The following DLG2 variants were observed in gnomAD, a reference collection of about 807,000 sequenced individuals.
DLG2 encodes the protein discs large MAGUK scaffold protein 2.
In DLG2, 45 loss-of-function variants were observed where a neutral mutation model predicts 132.5. The observed-to-expected ratio is 0.34, with a 90% CI of 0.27 to 0.44. The LOEUF (loss-of-function observed/expected upper bound fraction) is 0.44. DLG2 is among the 20% of genes least tolerant of loss of function. The probability of loss-of-function intolerance (pLI) is 1.00; values close to 1 mark genes in which losing one functional copy is unlikely to be tolerated. For synonymous variants in DLG2, 424 were observed against 419.6 expected (o/e 1.01, Z -0.13); for missense variants, 1,045 against 1,196.9 (o/e 0.87, Z 1.87).
At chr11:85,455,112 G>A (rs920103032) in intron 3 of DLG2, among the ~76,000 whole-genome samples, 2 of 152,040 alleles carry the variant, frequency 1.3e-5, no homozygotes, top group Admixed American at 1.3e-4. Context: ...ATTACTTTGG[G>A]CAATATGGTC....
chr11:83,504,586 G>A (rs150037635), intron 21 of DLG2, among the ~76,000 whole-genome samples: 7 of 152,210 alleles, frequency 4.6e-5, no homozygotes, highest in Admixed American at 2.0e-4. Flanking sequence ...TAACAGAATC[G>A]TTGTGTCTCC....
chr11:85,211,101 G>A (rs1053235701), intron 4 of DLG2, among the ~76,000 whole-genome samples: 1 of 151,790 alleles, frequency 6.6e-6, no homozygotes, highest in Non-Finnish European at 1.5e-5. Context: ...GTTGAGACTT[G>A]GTCTGTTTTA....
intron 6 of DLG2, among the ~76,000 whole-genome samples, chr11:84,846,319 C>G (rs978946790): frequency 6.6e-6 from 1 of 152,120 alleles, no homozygotes; most frequent in African/African-American, 2.4e-5. Flanking sequence ...CCTCAAACCT[C>G]TTTTCTACCC....
intron 17 of DLG2, among the ~76,000 whole-genome samples, chr11:83,823,900 G>A (rs1457117228): frequency 6.6e-6 from 1 of 151,986 alleles, no homozygotes; most frequent in African/African-American, 2.4e-5. Context: ...TCATTAACTA[G>A]ACTTTGAGTA....
At chr11:84,298,794 G>T (rs538783385) in intron 7 of DLG2, among the ~76,000 whole-genome samples, 53 of 152,306 alleles carry the variant, frequency 3.5e-4, no homozygotes, top group Non-Finnish European at 5.4e-4. Flanking sequence ...AGAAAAGCAT[G>T]AGCAAAGATT....
At chr11:84,847,627 C>T (rs1943714) in intron 6 of DLG2, among the ~76,000 whole-genome samples, 67,327 of 151,954 alleles carry the variant, frequency 0.44, 15,454 homozygotes, top group African/African-American at 0.51. Context: ...AAGTAAGAAA[C>T]GGCTTTAGCT....
chr11:85,298,309 T>C (rs1368551957), intron 3 of DLG2, among the ~76,000 whole-genome samples: 2 of 152,158 alleles, frequency 1.3e-5, no homozygotes, highest in Non-Finnish European at 2.9e-5. Flanking sequence ...GATATTAATA[T>C]AGATGTAAAT....
intron 3 of DLG2, among the ~76,000 whole-genome samples, chr11:85,448,467 C>G (rs2092104423): frequency 6.6e-6 from 1 of 152,100 alleles, no homozygotes; most frequent in Non-Finnish European, 1.5e-5. Context: ...ATAAAGCTGG[C>G]TGGAAAGTTA....
At chr11:83,709,587 G>T (rs1364094067) in intron 18 of DLG2, among the ~76,000 whole-genome samples, 1 of 152,018 alleles carries the variant, frequency 6.6e-6, no homozygotes, top group East Asian at 1.9e-4. Context: ...GATGCTTAGT[G>T]GCTGAGTGGC....
At chr11:84,098,464 T>A (rs2092055300) in intron 10 of DLG2, among the ~76,000 whole-genome samples, 1 of 152,166 alleles carries the variant, frequency 6.6e-6, no homozygotes, top group East Asian at 1.9e-4. Flanking sequence ...TCCCAGGGAA[T>A]GGTTTTTTTA....
chr11:85,078,997 G>T (rs1460602533), intron 6 of DLG2, among the ~76,000 whole-genome samples: 1 of 147,334 alleles, frequency 6.8e-6, no homozygotes, highest in Non-Finnish European at 1.5e-5. Flanking sequence ...AGGTAGTACA[G>T]CAAAAGCTTT....
chr11:85,592,844 C>G (rs2079457822), intron 3 of DLG2, among the ~76,000 whole-genome samples: 1 of 151,288 alleles, frequency 6.6e-6, no homozygotes, highest in Non-Finnish European at 1.5e-5. Context: ...TCCCAGGTAC[C>G]AGGGAGGCTG....
At chr11:83,901,368 C>T (rs2073376240) in intron 15 of DLG2, among the ~76,000 whole-genome samples, 1 of 152,062 alleles carries the variant, frequency 6.6e-6, no homozygotes, top group Non-Finnish European at 1.5e-5. Flanking sequence ...GACTCCGTGT[C>T]CCCAGACAAA....
At chr11:85,061,039 A>G (rs1284378813) in intron 6 of DLG2, among the ~76,000 whole-genome samples, 2 of 151,538 alleles carry the variant, frequency 1.3e-5, no homozygotes, top group African/African-American at 4.8e-5. Flanking sequence ...TATGCCTTCT[A>G]TGGAGAAATG....
chr11:84,862,818 G>GGC lies in DLG2; in HGVS notation c.357+248842_357+248843insGC, dbSNP rs753524834. Among the ~76,000 whole-genome samples, 11 of 15,382 alleles carry GGC rather than the reference G, an allele frequency of 7.2e-4. No homozygotes were observed. In the East Asian group the frequency reaches 0.048, roughly 67 times the overall value. The allele number at this position is 15,382 out of a possible 152,430, so 10.1% of individuals were successfully genotyped here. A position where few individuals can be genotyped will look rare whatever the true frequency, so the allele number is the denominator to read the frequency against. Reference sequence around the variant, plus strand: ...GGGACATCACACACCAGGTCCTGTCGGGGGGGGGGGGTGGGGGACTAGGGG... The same window carrying GGC: ...GGGACATCACACACCAGGTCCTGTCGGCGGGGGGGGGGGTGGGGGACTAGGGG... On this transcript the variant is annotated intron_variant, in intron 6 of 27. Coordinates refer to ENST00000376104, the MANE Select transcript of DLG2 (RefSeq NM_001142699.3).
chr11:84,701,901 T>C (rs2059264640), intron 6 of DLG2, among the ~76,000 whole-genome samples: 1 of 151,558 alleles, frequency 6.6e-6, no homozygotes, highest in Admixed American at 6.6e-5. Context: ...TACTCAGCTG[T>C]GGTCTCTATG....
At chr11:83,653,183 C>G (rs2071158148) in intron 18 of DLG2, among the ~76,000 whole-genome samples, 1 of 152,188 alleles carries the variant, frequency 6.6e-6, no homozygotes, top group South Asian at 2.1e-4. Context: ...TCCCAATTAT[C>G]ATAATGATTT....
chr11:84,117,886 G>A (rs926609897), intron 9 of DLG2, among the ~76,000 whole-genome samples: 3 of 151,642 alleles, frequency 2.0e-5, no homozygotes, highest in East Asian at 1.9e-4. Context: ...ACAGAGTCTC[G>A]CTCTTGTTGC....
chr11:85,357,571 C>T (rs1056431241), intron 3 of DLG2, among the ~76,000 whole-genome samples: 1 of 140,308 alleles, frequency 7.1e-6, no homozygotes, highest in African/African-American at 2.7e-5. Flanking sequence ...AGTTTGCTGG[C>T]TTCCTCTTTT....
Sources: gnomAD v4.1 joint callset for allele counts (sites outside exome capture counted in the v4.1 genomes callset) on GRCh38, gnomAD v4.1.1 for gene constraint, MANE v1.5 for transcripts, NCBI Gene and HGNC (gene_info 2026-07-23, HGNC 2026-07-21) for gene names.